KLHL29: variants seen among roughly 807,000 people sequenced by gnomAD.
KLHL29 encodes the protein kelch-like protein 29.
KLHL29 carries 21 observed loss-of-function variants against 80.4 expected under a neutral mutation model. That is an observed-to-expected ratio of 0.26 (90% confidence interval 0.19 to 0.38). The LOEUF is 0.38. KLHL29 is among the 10% of genes least tolerant of loss of function. The probability of loss-of-function intolerance (pLI) is 1.00; values close to 1 mark genes in which losing one functional copy is unlikely to be tolerated. For synonymous variants in KLHL29, 511 were observed against 526.8 expected, an observed-to-expected ratio of 0.97 and a Z score of 0.41; for missense variants, 867 against 1,223.9, an observed-to-expected ratio of 0.71 and a Z score of 4.35.
At chr2:23,693,661 C>A in intron 8 of KLHL29, 133 bp downstream of exon 8, 2 of 966,288 alleles carry the variant, frequency 2.1e-6, no homozygotes, top group Non-Finnish European at 3.1e-6. Context: ...AGGTGAAGGG[C>A]GGGCAGAGAG....
At chr2:23,601,675 C>T (rs1328075159) in intron 3 of KLHL29, among the ~76,000 whole-genome samples, 1 of 152,198 alleles carries the variant, frequency 6.6e-6, no homozygotes, top group East Asian at 1.9e-4. Context: ...GAGGGTTACT[C>T]TTAGCTCTGA....
rs1466204916 is a variant in KLHL29 at position 23,647,482 on chromosome 2, C to T, written c.940+4632C>T. Among the ~76,000 whole-genome samples the T allele has an allele frequency of 6.6e-6, 1 of 152,200 alleles. No individual in the cohort carries two copies. The highest frequency in any genetic ancestry group is 1.5e-5 in the Non-Finnish European group (1 of 68,032). ...TCTGTGGCCAGCCCTTTGTCCACCT[C>T]TAGCACTAAGTCTGAAAACTCAATC... On this transcript the variant is annotated intron_variant, in intron 5 of 13. Coordinates refer to ENST00000486442, the MANE Select transcript of KLHL29 (RefSeq NM_052920.2). The surrounding 1 kb of genome is among the most constrained non-coding windows in gnomAD (Gnocchi z 4.9).
chr2:23,465,859 A>G (rs1269402619), intron 1 of KLHL29, among the ~76,000 whole-genome samples: 3 of 152,094 alleles, frequency 2.0e-5, no homozygotes, highest in African/African-American at 7.2e-5. Flanking sequence ...CAGTCCCACT[A>G]GCTTAGTTAA....
At chr2:23,617,499 G>A (rs1186397184) in intron 3 of KLHL29, 2 of 152,244 alleles carry the variant, frequency 1.3e-5, no homozygotes, top group Non-Finnish European at 2.9e-5. Context: ...ATTATTTTCA[G>A]GGATGTTGCG....
At chr2:23,436,986 A>G (rs926930479) in intron 1 of KLHL29, among the ~76,000 whole-genome samples, 10 of 152,212 alleles carry the variant, frequency 6.6e-5, no homozygotes, top group Admixed American at 3.3e-4. Flanking sequence ...AAATTCCCAC[A>G]CACCAGAAAG....
At chr2:23,557,509 TTGAGGAGCTGAGCATCAGG>T (rs1667328148) in intron 2 of KLHL29, among the ~76,000 whole-genome samples, 3 of 151,804 alleles carry the variant, frequency 2.0e-5, no homozygotes, top group Non-Finnish European at 4.4e-5. Context: ...TTAAGGAGAC[TTGAGGAGCTGAGCATCAGG>T]GTGGGGGACG....
rs1235694161 is a variant in KLHL29, at chr2:23,707,633, GT to G, written c.*971del. The G allele has an allele frequency of 4.6e-5, 7 of 152,324 alleles. No individual in the cohort carries two copies. The East Asian group carries it at 1.4e-3, about 29-fold the overall frequency. 9.4% of individuals were successfully genotyped at this position (152,324 alleles called of 1,614,324 possible). A position where few individuals can be genotyped will look rare whatever the true frequency, so the allele number is the denominator to read the frequency against. On this transcript the variant is annotated 3_prime_UTR_variant, in exon 14 of 14. Transcript: ENST00000486442. The stretch of plus-strand genomic sequence containing the variant: ...AAGAGTCTGCTCTAGAAGGAGCCCG[GT>G]TCTGGCTCAGGACACCGGCCCAGCT...
intron 2 of KLHL29, among the ~76,000 whole-genome samples, chr2:23,557,198 C>T (rs946551610): frequency 6.6e-6 from 1 of 152,234 alleles, no homozygotes; most frequent in African/African-American, 2.4e-5. Context: ...TTCCTGATGC[C>T]TCCCTCAACA....
At chr2:23,458,731 T>A (rs1315153177) in intron 1 of KLHL29, among the ~76,000 whole-genome samples, 1 of 152,138 alleles carries the variant, frequency 6.6e-6, no homozygotes, top group Non-Finnish European at 1.5e-5. Context: ...GGAAACACCC[T>A]GCAGTACAAG....
At chr2:23,472,077 G>C (rs1664508685) in intron 1 of KLHL29, among the ~76,000 whole-genome samples, 1 of 123,870 alleles carries the variant, frequency 8.1e-6, no homozygotes. Flanking sequence ...CTATGGACCA[G>C]AGATTCCAAA....
At chr2:23,473,636 A>G (rs1664556485) in intron 1 of KLHL29, among the ~76,000 whole-genome samples, 1 of 152,030 alleles carries the variant, frequency 6.6e-6, no homozygotes, top group Non-Finnish European at 1.5e-5. Context: ...CCTATTCCAT[A>G]TTCATTCGGC....
intron 6 of KLHL29, among the ~76,000 whole-genome samples, chr2:23,687,423 A>T (rs1671314423): frequency 6.6e-6 from 1 of 152,118 alleles, no homozygotes; most frequent in Admixed American, 6.5e-5. Context: ...TGCCTGCCAG[A>T]CCCAACCCCA....
At chr2:23,545,852 A>T (rs1296392625) in intron 2 of KLHL29, among the ~76,000 whole-genome samples, 1 of 152,212 alleles carries the variant, frequency 6.6e-6, no homozygotes, top group Non-Finnish European at 1.5e-5. Flanking sequence ...CCCCAGCCTC[A>T]GGTGGGGAAC....
At chr2:23,698,405 G>C (rs565364074) in intron 11 of KLHL29, among the ~76,000 whole-genome samples, 1 of 152,162 alleles carries the variant, frequency 6.6e-6, no homozygotes, top group Non-Finnish European at 1.5e-5. Flanking sequence ...GACCCCCTTC[G>C]GGTAGGTTGC....
intron 1 of KLHL29, among the ~76,000 whole-genome samples, chr2:23,438,206 T>G (rs1451236760): frequency 6.6e-6 from 1 of 151,142 alleles, no homozygotes; most frequent in Non-Finnish European, 1.5e-5. Flanking sequence ...TAAGGAGATT[T>G]TGGGCTGAGA....
intron 2 of KLHL29, among the ~76,000 whole-genome samples, chr2:23,541,003 C>T (rs908470083): frequency 2.0e-5 from 3 of 152,184 alleles, no homozygotes; most frequent in Non-Finnish European, 4.4e-5. Context: ...GGCCTGGTCA[C>T]GTGCTTACCC....
intron 1 of KLHL29, among the ~76,000 whole-genome samples, chr2:23,423,578 C>T (rs929421873): frequency 3.3e-5 from 5 of 152,202 alleles, no homozygotes; most frequent in African/African-American, 1.2e-4. Context: ...TTCTGGAGTG[C>T]GTCATTCCCC....
chr2:23,546,670 C>G (rs1572392335), intron 2 of KLHL29, among the ~76,000 whole-genome samples: 1 of 152,194 alleles, frequency 6.6e-6, no homozygotes, highest in Non-Finnish European at 1.5e-5. Context: ...GAGGAGCTCC[C>G]CACTCTACCA....
chr2:23,529,948 A>G (rs975543781), intron 2 of KLHL29, among the ~76,000 whole-genome samples: 1 of 152,306 alleles, frequency 6.6e-6, no homozygotes, highest in African/African-American at 2.4e-5. Context: ...AGTGGTGAGC[A>G]TGGATCAAGC....
Sources: allele counts gnomAD v4.1 joint callset (sites outside exome capture counted in the v4.1 genomes callset), GRCh38; gene constraint gnomAD v4.1.1; non-coding constraint Gnocchi (gnomAD v3.1); transcripts MANE v1.5; gene names NCBI Gene and HGNC (gene_info 2026-07-23, HGNC 2026-07-21).